Variants in NSUN2 observed in about 807,000 individuals in gnomAD.
The protein encoded by NSUN2 is NOP2/Sun RNA methyltransferase 2, also known as RNA cytosine C(5)-methyltransferase NSUN2.
In NSUN2, 63 loss-of-function variants were observed where a neutral mutation model predicts 92.7. The ratio of observed to expected loss-of-function variants is 0.68; its 90% confidence interval spans 0.56 to 0.84. The LOEUF is 0.84. Ranked by LOEUF, NSUN2 falls within the 40% of genes least tolerant of loss-of-function variation. NSUN2 has a pLI of 0.00. For synonymous variants in NSUN2, 356 were observed against 348.3 expected (o/e 1.02, Z -0.25); for missense variants, 989 against 964.9 (o/e 1.02, Z -0.33).
At chr5:6,616,261 T>C (rs976236918) in intron 9 of NSUN2, among the ~76,000 whole-genome samples, 1 of 152,154 alleles carries the variant, frequency 6.6e-6, no homozygotes, top group African/African-American at 2.4e-5. Flanking sequence ...CAGATGTCCA[T>C]CAACAGATGG....
intron 6 of NSUN2, 59 bp downstream of exon 6, chr5:6,621,957 T>A: frequency 7.0e-7 from 1 of 1,427,298 alleles, no homozygotes; most frequent in Non-Finnish European, 9.9e-7. Context: ...AGTCTTTTCC[T>A]TGTCTACAAT....
intron 3 of NSUN2, among the ~76,000 whole-genome samples, chr5:6,629,637 G>A (rs1420258289): frequency 5.9e-5 from 9 of 152,226 alleles, no homozygotes; most frequent in East Asian, 1.9e-4. Flanking sequence ...GAGGAGAATC[G>A]TAATCCTGTC....
chr5:6,615,650 G>C (rs531575423), intron 9 of NSUN2, among the ~76,000 whole-genome samples: 1 of 152,180 alleles, frequency 6.6e-6, no homozygotes, highest in Non-Finnish European at 1.5e-5. Flanking sequence ...GCACAACCCA[G>C]ACCAGCCAGC....
At chr5:6,606,038 G>A (rs904285850) in intron 14 of NSUN2, among the ~76,000 whole-genome samples, 35 of 152,170 alleles carry the variant, frequency 2.3e-4, no homozygotes, top group African/African-American at 8.0e-4. Flanking sequence ...AAAAAAGACA[G>A]TAAGTGACCG....
In NSUN2 at chr5:6,603,092, C is replaced by T. The variant is rs1049045601; in HGVS notation, c.1958-592G>A. Among the ~76,000 whole-genome samples the T allele has an allele frequency of 6.6e-5, 10 of 152,048 alleles. No individual in the cohort carries two copies. In the East Asian group the frequency reaches 1.9e-3, roughly 29 times the overall value. On this transcript the variant is annotated intron_variant, in intron 17 of 18. Coordinates refer to ENST00000264670, the MANE Select transcript of NSUN2 (RefSeq NM_017755.6). ...AAACGTAACTGCAAGAAGTGATTCA[C>T]GTACTTTTGATCAAATTGAGCCAAA...
At position 6,610,943 on chromosome 5, in the gene NSUN2, C is replaced by T. The variant is rs536322151; in HGVS notation, c.1226+12G>A. 6.2e-7 allele frequency: 1 copy of T among 1,613,740 alleles called. No homozygotes were observed. The highest frequency in any genetic ancestry group is 1.1e-5 in the South Asian group (1 of 91,034). ...TCCCCCCTCCCCACACCTGGAGGCC[C>T]CACCAGCTCACCATCGCTCCAGGTG... On this transcript the variant is annotated intron_variant, in intron 11 of 18. Coordinates refer to ENST00000264670, the MANE Select transcript of NSUN2 (RefSeq NM_017755.6).
intron 4 of NSUN2, among the ~76,000 whole-genome samples, chr5:6,624,469 T>C (rs1414042826): frequency 1.3e-5 from 2 of 152,164 alleles, no homozygotes; most frequent in African/African-American, 4.8e-5. Context: ...CTTCCAAACA[T>C]GCCAAAACCT....
At chr5:6,603,559 C>T (rs572118587) in intron 17 of NSUN2, among the ~76,000 whole-genome samples, 3 of 152,228 alleles carry the variant, frequency 2.0e-5, no homozygotes, top group East Asian at 1.9e-4. Flanking sequence ...GGCGTGGTGG[C>T]GGGTGCTTGT....
chr5:6,631,844 T>C lies in NSUN2; in HGVS notation c.359+29A>G, dbSNP rs752173471. The C allele has an allele frequency of 9.8e-6, 14 of 1,425,966 alleles. No homozygotes were observed. The South Asian group carries it at 1.5e-4, about 16-fold the overall frequency. 88.3% of individuals were successfully genotyped at this position (1,425,966 alleles called of 1,614,324 possible). A position where few individuals can be genotyped will look rare whatever the true frequency, so the allele number is the denominator to read the frequency against. Reference sequence around the variant, plus strand: ...GATAGAGATTAATATCCCAAATAAATATTCGGCATGAAGCACTGTGGTACC... The same window carrying C: ...GATAGAGATTAATATCCCAAATAAACATTCGGCATGAAGCACTGTGGTACC... On this transcript the variant is annotated intron_variant, in intron 3 of 18. Transcript: ENST00000264670.
At chr5:6,611,934 C>T (rs890474434) in intron 9 of NSUN2, 136 bp from the exon 10 acceptor site, 20 of 746,432 alleles carry the variant, frequency 2.7e-5, no homozygotes, top group Non-Finnish European at 3.7e-5. Context: ...GCAAACCCGT[C>T]GACAGAAAGT....
chr5:6,632,560 T>G, intron 2 of NSUN2, 39 bp downstream of exon 2: 1 of 1,608,842 alleles, frequency 6.2e-7, no homozygotes, highest in Non-Finnish European at 8.5e-7. Context: ...TCCAGCATCC[T>G]GGCCCCAACT....
chr5:6,631,908 G>T lies in NSUN2; in HGVS notation c.324C>A (p.Asp108Glu). The T allele has an allele frequency of 6.2e-7, 1 of 1,613,926 alleles. No individual in the cohort carries two copies. The highest frequency in any genetic ancestry group is 1.1e-5 in the South Asian group (1 of 91,060). The change falls in exon 3 of 19, where the codon GAC becomes GAA. Residue 108 changes from aspartate (D) to glutamate (E), a missense_variant. By Grantham distance (45) the Asp-to-Glu change is conservative. This residue lies in a region of NSUN2 where 356 missense variants were observed against 338.6 expected (regional missense o/e 1.05). Coordinates refer to ENST00000264670, the MANE Select transcript of NSUN2 (RefSeq NM_017755.6). ...GCTGTGGAACTTCAACTTTCTGACC[G>T]TCCACCTCCAGGTCCTCCAATTCCT... ...YFKELEDLEV[D>E]GQKVEVPQPL...
chr5:6,624,596 T>C (rs1420853224), intron 4 of NSUN2, among the ~76,000 whole-genome samples: 1 of 152,172 alleles, frequency 6.6e-6, no homozygotes, highest in Non-Finnish European at 1.5e-5. Flanking sequence ...TCCATCTAGA[T>C]TGAAAGTTGA....
intron 9 of NSUN2, among the ~76,000 whole-genome samples, chr5:6,614,576 A>G (rs1251578856): frequency 6.6e-6 from 1 of 152,196 alleles, no homozygotes. Context: ...ACCCATGGGA[A>G]TGAGAACTAG....
chr5:6,606,633 CTTAAA>C lies in NSUN2; in HGVS notation c.1601+182_1601+186del, dbSNP rs58464354. ...TCACAAAGTAAAAGTTTACTTTCTC[CTTAAA>C]TTAAAAGATTGAGTAACCTCTAAAG... On this transcript the variant is annotated intron_variant, in intron 14 of 18. Transcript: ENST00000264670. Among the ~76,000 whole-genome samples the C allele has an allele frequency of 0.017, 2,519 of 151,392 alleles. 92 individuals carry two copies. The highest frequency in any genetic ancestry group is 0.058 in the African/African-American group (2,388 of 41,242).
intron 7 of NSUN2, among the ~76,000 whole-genome samples, chr5:6,618,721 G>T (rs1012912622): frequency 5.3e-5 from 8 of 152,026 alleles, no homozygotes; most frequent in Admixed American, 1.3e-4. Context: ...TTTATTTAAT[G>T]GAAGTTATTT....
rs1178210740 is a variant in NSUN2 at position 6,620,256 on chromosome 5, T to C, written c.665A>G (p.Tyr222Cys). Residue 222 changes from tyrosine (Y) to cysteine (C), a missense_variant, in exon 7 of 19, where the codon TAC becomes TGC. Physicochemically the swap from Tyr to Cys is radical, Grantham distance 194. Around this residue, in one of 3 missense-constraint regions of NSUN2, gnomAD observed 356 missense variants for 338.6 expected, o/e 1.05. Transcript: ENST00000264670. ...IANDVDNKRCYLLVHQAKRLS... is the reference protein window; with the variant it reads ...IANDVDNKRCCLLVHQAKRLS... ...CCTCTTGGCTTGATGGACGAGCAGG[T>C]AGCAGCGCTTGTTGTCCACATCATT... 3 of 1,607,540 alleles carry C rather than the reference T, an allele frequency of 1.9e-6. No homozygotes were observed. The highest frequency in any genetic ancestry group is 2.2e-5 in the East Asian group (1 of 44,484).
chr5:6,627,001 G>C (rs1215330187), intron 3 of NSUN2, among the ~76,000 whole-genome samples: 1 of 152,156 alleles, frequency 6.6e-6, no homozygotes, highest in African/African-American at 2.4e-5. Context: ...CACTGCTCAA[G>C]TCAAAATATT....
chr5:6,623,107 G>T, intron 5 of NSUN2, 107 bp downstream of exon 5: 1 of 799,246 alleles, frequency 1.3e-6, no homozygotes, highest in Non-Finnish European at 1.9e-6. Context: ...GTGAAAAGAA[G>T]AAAAAAAGGA....
Sources: allele counts gnomAD v4.1 joint callset (sites outside exome capture counted in the v4.1 genomes callset), GRCh38; gene constraint gnomAD v4.1.1; regional missense constraint gnomAD v4.1.1; transcripts MANE v1.5; gene names NCBI Gene and HGNC (gene_info 2026-07-23, HGNC 2026-07-21).